Variants in CTNNBIP1 observed in about 807,000 individuals in gnomAD.
The protein encoded by CTNNBIP1 is catenin beta interacting protein 1.
CTNNBIP1 carries 7 observed loss-of-function variants against 11.8 expected under a neutral mutation model. The ratio of observed to expected loss-of-function variants is 0.60; its 90% confidence interval spans 0.34 to 1.12. The LOEUF is 1.12. Among genes scored for constraint, CTNNBIP1 ranks in the 50% most tolerant of loss-of-function variants. The probability of loss-of-function intolerance (pLI) is 0.03; values close to 1 mark genes in which losing one functional copy is unlikely to be tolerated. For synonymous variants in CTNNBIP1, 58 were observed against 43.9 expected (o/e 1.32, Z -1.26); for missense variants, 101 against 113.4 (o/e 0.89, Z 0.50).
intron 5 of CTNNBIP1, among the ~76,000 whole-genome samples, chr1:9,852,450 C>A (rs1296574250): frequency 1.3e-5 from 2 of 152,188 alleles, no homozygotes; most frequent in Admixed American, 6.5e-5. Flanking sequence ...GAAAGGGACA[C>A]GAGTTGTCCA....
chr1:9,852,526 TTC>T (rs1638413846), intron 5 of CTNNBIP1, among the ~76,000 whole-genome samples: 1 of 152,194 alleles, frequency 6.6e-6, no homozygotes, highest in Non-Finnish European at 1.5e-5. Flanking sequence ...CTCAGGAACA[TTC>T]TGTTTTCGCC....
intron 1 of CTNNBIP1, among the ~76,000 whole-genome samples, chr1:9,893,559 G>T (rs1316724447): frequency 2.0e-5 from 3 of 152,134 alleles, no homozygotes; most frequent in African/African-American, 7.2e-5. Context: ...CATATCCAAA[G>T]AATGTAAGCA....
intron 1 of CTNNBIP1, among the ~76,000 whole-genome samples, chr1:9,906,041 C>A (rs1007669969): frequency 2.0e-5 from 3 of 152,222 alleles, no homozygotes; most frequent in Non-Finnish European, 4.4e-5. Context: ...ATGGTTACTT[C>A]AATTTAGCAT....
In CTNNBIP1 at chr1:9,897,932, A is replaced by G. The variant is rs551574051; in HGVS notation, c.-144+12163T>C. On this transcript the variant is annotated intron_variant, in intron 1 of 5. Transcript: ENST00000377263. Reference sequence around the variant, plus strand: ...TTAGGAGTTCAAGACCAGCCTGGCCAATAGGGCGAAACCCCGTCTCTACTA... The same window carrying G: ...TTAGGAGTTCAAGACCAGCCTGGCCGATAGGGCGAAACCCCGTCTCTACTA... Among the ~76,000 whole-genome samples the G allele has an allele frequency of 3.3e-5, 5 of 152,038 alleles. No individual in the cohort carries two copies. In the East Asian group the frequency reaches 9.7e-4, roughly 30 times the overall value.
intron 1 of CTNNBIP1, among the ~76,000 whole-genome samples, chr1:9,894,295 T>C (rs1027997937): frequency 6.6e-6 from 1 of 152,190 alleles, no homozygotes; most frequent in Non-Finnish European, 1.5e-5. Context: ...TCAGCACAGA[T>C]CTCCTAAGGC....
chr1:9,850,532 C>T lies in CTNNBIP1; in HGVS notation c.*186G>A, dbSNP rs939725317. The stretch of plus-strand genomic sequence containing the variant: ...TCCATCCCTTTAAGCCAATTATAAA[C>T]GCACCACTGGTGTCTCCCTTGATGC... On this transcript the variant is annotated 3_prime_UTR_variant, in exon 6 of 6. Transcript: ENST00000377263. 2.0e-5 allele frequency: 12 copies of T among 586,632 alleles called. No homozygotes were observed. Among genetic ancestry groups the T allele is most frequent in the African/African-American group, 1.9e-4 (10 of 53,658 alleles). The allele number at this position is 586,632 out of a possible 1,614,324, so 36.3% of individuals were successfully genotyped here. A position where few individuals can be genotyped will look rare whatever the true frequency, so the allele number is the denominator to read the frequency against.
chr1:9,878,570 A>G (rs1236801002), intron 2 of CTNNBIP1, among the ~76,000 whole-genome samples: 1 of 152,228 alleles, frequency 6.6e-6, no homozygotes, highest in Non-Finnish European at 1.5e-5. Context: ...GCCTAGCCAC[A>G]TGTCTACGTG....
In CTNNBIP1 at chr1:9,908,328, A is replaced by G. The variant is rs1299109949; in HGVS notation, c.-144+1767T>C. Among the ~76,000 whole-genome samples the G allele has an allele frequency of 4.1e-5, 6 of 145,540 alleles. No individual in the cohort carries two copies. In the Admixed American group the frequency reaches 4.2e-4, roughly 10 times the overall value. On this transcript the variant is annotated intron_variant, in intron 1 of 5. Coordinates refer to ENST00000377263, the MANE Select transcript of CTNNBIP1 (RefSeq NM_020248.3). The stretch of plus-strand genomic sequence containing the variant: ...CGCCTTGGCCTCCCAAAGTGCTGGG[A>G]TTACAGGCATGAACCACTGAGTCCG...
chr1:9,876,113 C>T (rs1638963676), intron 3 of CTNNBIP1, among the ~76,000 whole-genome samples: 1 of 152,208 alleles, frequency 6.6e-6, no homozygotes, highest in Admixed American at 6.5e-5. Flanking sequence ...GTTTAAATTA[C>T]ATAAACTAAA....
intron 5 of CTNNBIP1, among the ~76,000 whole-genome samples, chr1:9,864,297 C>A (rs1427624979): frequency 6.6e-6 from 1 of 152,218 alleles, no homozygotes; most frequent in Non-Finnish European, 1.5e-5. Flanking sequence ...AAGTCTAGGT[C>A]TAGGCGGGGT....
chr1:9,875,471 GCCGCC>G (rs1638948150), intron 3 of CTNNBIP1, among the ~76,000 whole-genome samples: 1 of 152,224 alleles, frequency 6.6e-6, no homozygotes, highest in Non-Finnish European at 1.5e-5. Flanking sequence ...ACTGATAGGT[GCCGCC>G]CCGTCTTCCC....
chr1:9,874,266 C>T (rs1482910190), intron 3 of CTNNBIP1, among the ~76,000 whole-genome samples: 2 of 152,038 alleles, frequency 1.3e-5, no homozygotes, highest in African/African-American at 2.4e-5. Context: ...AGGCACCTTC[C>T]TAGGGAAGCC....
chr1:9,868,196 C>T (rs570330605), intron 5 of CTNNBIP1, among the ~76,000 whole-genome samples: 102 of 152,322 alleles, frequency 6.7e-4, no homozygotes, highest in African/African-American at 2.4e-3. Flanking sequence ...CACAGGGCGC[C>T]CCAGCAGCAG....
Position 9,883,919 on chromosome 1 carries a change from A to G in CTNNBIP1, c.-143-181T>C, listed in dbSNP as rs2101511438. Among the ~76,000 whole-genome samples, 1 of 152,188 alleles carries G rather than the reference A, an allele frequency of 6.6e-6. No homozygotes were observed. Among genetic ancestry groups the G allele is most frequent in the South Asian group, 2.1e-4 (1 of 4,816 alleles). The stretch of plus-strand genomic sequence containing the variant: ...GAGCTCAGGGGAGGTCACCACCCAA[A>G]CAGTCAAGGAGGAAGAAGGTGGGGG... On this transcript the variant is annotated intron_variant, in intron 1 of 5. Transcript: ENST00000377263. The surrounding 1 kb of genome is among the most constrained non-coding windows in gnomAD (Gnocchi z 5.6).
intron 5 of CTNNBIP1, among the ~76,000 whole-genome samples, chr1:9,864,536 G>GC (rs969126261): frequency 1.3e-5 from 2 of 152,180 alleles, no homozygotes; most frequent in African/African-American, 4.8e-5. Flanking sequence ...CACCATGTTA[G>GC]CCAGGATGGT....
At chr1:9,868,820 G>A (rs1049387341) in intron 5 of CTNNBIP1, among the ~76,000 whole-genome samples, 2 of 152,186 alleles carry the variant, frequency 1.3e-5, no homozygotes, top group Admixed American at 6.5e-5. Flanking sequence ...ATTTTTAATA[G>A]AGACAGGATG....
chr1:9,861,705 G>A lies in CTNNBIP1; in HGVS notation c.187+9482C>T, dbSNP rs576469500. 1.1e-3 allele frequency among the ~76,000 whole-genome samples: 172 copies of A among 152,316 alleles called. 2 individuals carry two copies. The highest frequency in any genetic ancestry group is 3.4e-3 in the Middle Eastern group (1 of 294). ...CCCAGTAGAGACATCAGGCCTCCTG[G>A]AACAGCCAAAAAGAGCTCAGGAGGC... On this transcript the variant is annotated intron_variant, in intron 5 of 5. Transcript: ENST00000377263.
chr1:9,857,490 C>CA (rs561732405), intron 5 of CTNNBIP1, among the ~76,000 whole-genome samples: 6,574 of 74,762 alleles, frequency 0.088, 361 homozygotes, highest in East Asian at 0.31. Flanking sequence ...GACCCTGTCT[C>CA]AAAAAAAAAA....
At chr1:9,869,467 C>A (rs1638813382) in intron 5 of CTNNBIP1, among the ~76,000 whole-genome samples, 2 of 152,078 alleles carry the variant, frequency 1.3e-5, no homozygotes, top group Non-Finnish European at 2.9e-5. Flanking sequence ...TGGGATTACA[C>A]CTGCATGCTA....
Sources: allele counts gnomAD v4.1 joint callset (sites outside exome capture counted in the v4.1 genomes callset), GRCh38; gene constraint gnomAD v4.1.1; non-coding constraint Gnocchi (gnomAD v3.1); transcripts MANE v1.5; gene names NCBI Gene and HGNC (gene_info 2026-07-23, HGNC 2026-07-21).